Variants in PIGN observed in about 807,000 individuals in gnomAD.
PIGN encodes phosphatidylinositol glycan anchor biosynthesis class N.
Under a neutral mutation model 125.4 loss-of-function variants are expected in PIGN, and 117 were observed. The ratio of observed to expected loss-of-function variants is 0.93; its 90% confidence interval spans 0.80 to 1.09. The LOEUF is 1.09. Among genes scored for constraint, PIGN ranks in the 50% least tolerant of loss-of-function variants. The probability of loss-of-function intolerance (pLI) is 0.00; values close to 1 mark genes in which losing one functional copy is unlikely to be tolerated. For missense variants in PIGN, 1,075 were observed against 1,094.9 expected (o/e 0.98, Z 0.26); for synonymous variants, 392 against 377.8 (o/e 1.04, Z -0.44).
chr18:62,095,370 T>C (rs2034136348), intron 23 of PIGN, among the ~76,000 whole-genome samples: 1 of 152,192 alleles, frequency 6.6e-6, no homozygotes, highest in South Asian at 2.1e-4. Flanking sequence ...AAAATTTCAA[T>C]CTTAAATAAA....
Position 62,044,023 on chromosome 18 carries a change from G to A in PIGN, c.*1833C>T, listed in dbSNP as rs750662174. Reference sequence around the variant, plus strand: ...TGCAACAGAAAAGGCTTGTTCCCATGTGAGTCTGAAGGGGCCAGTTACGGT... The same window carrying A: ...TGCAACAGAAAAGGCTTGTTCCCATATGAGTCTGAAGGGGCCAGTTACGGT... On this transcript the variant is annotated 3_prime_UTR_variant, in exon 31 of 31. Transcript: ENST00000640252. 1 of 152,160 alleles carries A rather than the reference G, an allele frequency of 6.6e-6. No homozygotes were observed. The highest frequency in any genetic ancestry group is 1.5e-5 in the Non-Finnish European group (1 of 68,038). 9.4% of individuals were successfully genotyped at this position (152,160 alleles called of 1,614,324 possible).
chr18:62,143,228 C>A, intron 11 of PIGN, 78 bp downstream of exon 11: 1 of 740,356 alleles, frequency 1.4e-6, no homozygotes. Context: ...TTAATATTAT[C>A]TCTTTTTCAT....
chr18:62,020,422 G>T (rs988148280), intron 23 of PIGN, among the ~76,000 whole-genome samples: 6 of 151,834 alleles, frequency 4.0e-5, no homozygotes, highest in Admixed American at 6.6e-5. Context: ...AGCAAGATAC[G>T]ATCTGGAACC....
intron 14 of PIGN, among the ~76,000 whole-genome samples, chr18:62,119,689 C>T (rs1177809285): frequency 6.6e-6 from 1 of 151,834 alleles, no homozygotes; most frequent in Non-Finnish European, 1.5e-5. Flanking sequence ...ACTAAAAGTA[C>T]AAAACTTAGC....
In PIGN at chr18:62,138,990, T is replaced by C. The variant is rs375024927; in HGVS notation, c.1109A>G (p.Gln370Arg). 2 of 1,593,148 alleles carry C rather than the reference T, an allele frequency of 1.3e-6. No homozygotes were observed. The highest frequency in any genetic ancestry group is 1.7e-6 in the Non-Finnish European group (2 of 1,164,808). The change falls in exon 13 of 31, where the codon CAG (glutamine) becomes CGG (arginine). Residue 370 changes from glutamine (Q) to arginine (R), a missense_variant. By Grantham distance (43) the Gln-to-Arg change is conservative. This residue lies in a region of PIGN where 915 missense variants were observed against 908.7 expected (regional missense o/e 1.01). Transcript: ENST00000640252. ...TTTGAATTTTTTTTTTACCTTGAAC[T>C]GTTCAAGAATCTGTACTGCATTTGT... ...MFTNAVQILEQFKVKMTQKKE... is the reference protein window; with the variant it reads ...MFTNAVQILERFKVKMTQKKE...
chr18:62,023,686 T>G (rs978260463), intron 23 of PIGN, among the ~76,000 whole-genome samples: 2 of 152,232 alleles, frequency 1.3e-5, no homozygotes, highest in Admixed American at 6.5e-5. Context: ...TCTTCGTTGG[T>G]CAGTTCCCTC....
At position 62,161,395 on chromosome 18, in the gene PIGN, A is replaced by G; in HGVS notation, c.-32-10T>C. ...TAGTCTTCAAGAACAGCTGAAAGAG[A>G]GAACAAAATTAAATTGGGGTAAATC... On this transcript the variant is annotated splice_polypyrimidine_tract_variant and intron_variant, in intron 3 of 30. Transcript: ENST00000640252. The G allele has an allele frequency of 7.4e-7, 1 of 1,351,746 alleles. No individual in the cohort carries two copies. The highest frequency in any genetic ancestry group is 1.0e-6 in the Non-Finnish European group (1 of 959,450). The allele number at this position is 1,351,746 out of a possible 1,614,324, so 83.7% of individuals were successfully genotyped here. A position where few individuals can be genotyped will look rare whatever the true frequency, so the allele number is the denominator to read the frequency against.
At chr18:62,106,006 A>G (rs2034624243) in intron 19 of PIGN, among the ~76,000 whole-genome samples, 1 of 152,210 alleles carries the variant, frequency 6.6e-6, no homozygotes, top group South Asian at 2.1e-4. Flanking sequence ...TAAAATAACC[A>G]GTATTTAAAC....
chr18:62,062,881 GCTTTTTTTTT>G lies in PIGN; in HGVS notation c.2672+9782_2672+9791del, dbSNP rs1199338922. On this transcript the variant is annotated intron_variant, in intron 30 of 30. Coordinates refer to ENST00000640252, the MANE Select transcript of PIGN (RefSeq NM_176787.5). ...TATTTGTTTTATGCTTTTGTATTCT[GCTTTTTTTTT>G]TTTTTTTTTTTTTTTTTTTTTGCTG... 6.9e-3 allele frequency among the ~76,000 whole-genome samples: 155 copies of G among 22,454 alleles called. No homozygotes were observed. In the East Asian group the frequency reaches 0.15, roughly 22 times the overall value. The allele number at this position is 22,454 out of a possible 152,430, so 14.7% of individuals were successfully genotyped here.
At chr18:62,179,574 T>C (rs904000343) in intron 1 of PIGN, among the ~76,000 whole-genome samples, 1 of 152,032 alleles carries the variant, frequency 6.6e-6, no homozygotes, top group Non-Finnish European at 1.5e-5. Flanking sequence ...TGAAACCCCA[T>C]CTCTACAAAA....
In PIGN at chr18:62,150,697, T is replaced by TTTTG. The variant is rs1555695351; in HGVS notation, c.550-2363_550-2360dup. 4.2e-3 allele frequency among the ~76,000 whole-genome samples: 641 copies of TTTTG among 151,502 alleles called. 3 individuals carry two copies. Among genetic ancestry groups the TTTTG allele is most frequent in the African/African-American group, 0.015 (616 of 41,340 alleles). ...GGAGGGGGAAATGAAGAGTTATTTTTTTTGTTTGTTTGTTTGTTTTTGAGA... is the reference window on the plus strand; with the variant it reads ...GGAGGGGGAAATGAAGAGTTATTTTTTTTGTTTGTTTGTTTGTTTGTTTTTGAGA... On this transcript the variant is annotated intron_variant, in intron 7 of 30. Coordinates refer to ENST00000640252, the MANE Select transcript of PIGN (RefSeq NM_176787.5).
Position 62,025,588 on chromosome 18 carries a change from G to A in PIGN, c.2143-7847C>T, listed in dbSNP as rs531392225. Among the ~76,000 whole-genome samples the A allele has an allele frequency of 4.6e-5, 7 of 152,328 alleles. No homozygotes were observed. In the East Asian group the frequency reaches 1.3e-3, roughly 29 times the overall value. On this transcript the variant is annotated intron_variant, in intron 23 of 24. Coordinates refer to the PIGN transcript ENST00000639600. ...TAGCACTCCCATATGTGTCTGTTCA[G>A]CACAGAGCTTGTTTCTAAGTCTTGC...
intron 14 of PIGN, among the ~76,000 whole-genome samples, chr18:62,120,376 T>A (rs56110129): frequency 0.3 from 45,827 of 152,034 alleles, 8,063 homozygotes; most frequent in East Asian, 0.59. Flanking sequence ...AATAATGAAT[T>A]TTCAAACAAA....
intron 7 of PIGN, among the ~76,000 whole-genome samples, chr18:62,152,868 ATTT>A (rs67953114): frequency 0.55 from 79,833 of 144,780 alleles, 22,992 homozygotes; most frequent in East Asian, 0.68. Context: ...ATATATATAT[ATTT>A]TTTTTTTTAA....
At chr18:62,046,316 CA>C (rs1383197027) in intron 30 of PIGN, among the ~76,000 whole-genome samples, 2 of 151,770 alleles carry the variant, frequency 1.3e-5, no homozygotes, top group African/African-American at 4.8e-5. Flanking sequence ...AAACCTCAGG[CA>C]GTGGACTGGT....
chr18:62,097,483 A>G (rs1390211444), intron 22 of PIGN, among the ~76,000 whole-genome samples: 1 of 147,848 alleles, frequency 6.8e-6, no homozygotes, highest in Non-Finnish European at 1.5e-5. Context: ...GTGGGACTGT[A>G]AACTAGTTCA....
chr18:62,043,967 A>T lies in PIGN; in HGVS notation c.*1889T>A, dbSNP rs1237035750. ...TCTGTTTTGCAACATAAAAATATAC[A>T]TTTCAAAACATTTAAAGATATCTGG... is the stretch of plus-strand genomic sequence containing the variant. On this transcript the variant is annotated 3_prime_UTR_variant, in exon 31 of 31. Transcript: ENST00000640252. 6.6e-5 allele frequency: 10 copies of T among 152,204 alleles called. No individual in the cohort carries two copies. The highest frequency in any genetic ancestry group is 1.3e-4 in the Non-Finnish European group (9 of 68,024). 9.4% of individuals were successfully genotyped at this position (152,204 alleles called of 1,614,324 possible).
rs146962324 is a variant in PIGN at position 62,155,484 on chromosome 18, G to A, written c.443-833C>T. Among the ~76,000 whole-genome samples the A allele has an allele frequency of 6.0e-3, 918 of 152,180 alleles. 4 individuals are homozygous for A. The Middle Eastern group carries it at 0.071, about 12-fold the overall frequency. On this transcript the variant is annotated intron_variant, in intron 6 of 30. Transcript: ENST00000640252. ...CTCAGGGGGCTGAGGCAGAAGAATC[G>A]CTTGAACCAAGGAGGCAGAGGTGGC...
chr18:62,037,440 TG>T (rs1392225797), downstream of PIGN, among the ~76,000 whole-genome samples: 1 of 152,172 alleles, frequency 6.6e-6, no homozygotes, highest in Non-Finnish European at 1.5e-5. Flanking sequence ...TGGGCATGGG[TG>T]GAACAGCCCA....
Sources: allele counts gnomAD v4.1 joint callset (sites outside exome capture counted in the v4.1 genomes callset), GRCh38; gene constraint gnomAD v4.1.1; regional missense constraint gnomAD v4.1.1; transcripts MANE v1.5; gene names NCBI Gene and HGNC (gene_info 2026-07-23, HGNC 2026-07-21).